HEATR4: variants seen among roughly 807,000 people sequenced by gnomAD.
The protein encoded by HEATR4 is HEAT repeat-containing protein 4.
Under a neutral mutation model 108.8 loss-of-function variants are expected in HEATR4, and 95 were observed. The ratio of observed to expected loss-of-function variants is 0.87; its 90% CI spans 0.74 to 1.04. HEATR4 has a LOEUF of 1.04. HEATR4 is among the 50% of genes least tolerant of loss of function. The pLI is 0.00. For missense variants in HEATR4, 1,152 were observed against 1,253.8 expected, an observed-to-expected ratio of 0.92 and a Z score of 1.23; for synonymous variants, 443 against 459.4, an observed-to-expected ratio of 0.96 and a Z score of 0.46.
chr14:73,519,209 T>C (rs981433406), intron 4 of HEATR4, 46 bp from the exon 5 acceptor site: 11 of 1,563,920 alleles, frequency 7.0e-6, no homozygotes, highest in Middle Eastern at 1.7e-4. Context: ...ACCTCCCTAT[T>C]TCCTTTCTCC....
chr14:73,563,206 C>T (rs147431542), upstream of HEATR4, among the ~76,000 whole-genome samples: 417 of 152,002 alleles, frequency 2.7e-3, 2 homozygotes, highest in African/African-American at 9.6e-3. Context: ...GTCAGCCGGC[C>T]GACTCTTATA....
chr14:73,585,149 C>T, the HEATR4 span, among the ~76,000 whole-genome samples: 1 of 152,132 alleles, frequency 6.6e-6, no homozygotes, highest in Non-Finnish European at 1.5e-5. Flanking sequence ...CACCCATGCA[C>T]ACACTATCCA....
At chr14:73,499,336 C>T (rs1886287802) in intron 12 of HEATR4, among the ~76,000 whole-genome samples, 196 bp from the exon 13 acceptor site, 1 of 152,090 alleles carries the variant, frequency 6.6e-6, no homozygotes, top group South Asian at 2.1e-4. Context: ...CAAAAATTAG[C>T]CGGGCATGGT....
In HEATR4 at chr14:73,538,636, T is replaced by C. The variant is rs1595154417; in HGVS notation, c.-151-8392A>G. Among the ~76,000 whole-genome samples the C allele has an allele frequency of 2.1e-5, 2 of 96,670 alleles. 1 individual carries two copies. Among genetic ancestry groups the C allele is most frequent in the Non-Finnish European group, 4.3e-5 (2 of 46,576 alleles). The allele number at this position is 96,670 out of a possible 152,430, so 63.4% of individuals were successfully genotyped here. A position where few individuals can be genotyped will look rare whatever the true frequency, so the allele number is the denominator to read the frequency against. Reference sequence around the variant, plus strand: ...CAAAAAAAAAAAAAAAAAAAGGCATTGTAAGGAAAGAGAAAAGACACATAA... The same window carrying C: ...CAAAAAAAAAAAAAAAAAAAGGCATCGTAAGGAAAGAGAAAAGACACATAA... On this transcript the variant is annotated intron_variant, in intron 1 of 17. Transcript: ENST00000553558.
At chr14:73,598,273 C>T in the HEATR4 span, among the ~76,000 whole-genome samples, 1 of 148,366 alleles carries the variant, frequency 6.7e-6, no homozygotes, top group Admixed American at 6.8e-5. Context: ...GCCTGTAGTC[C>T]CAGCTACTTG....
chr14:73,620,073 A>G, the HEATR4 span, among the ~76,000 whole-genome samples: 19 of 152,024 alleles, frequency 1.2e-4, no homozygotes, highest in African/African-American at 4.1e-4. Context: ...CACGGCACCC[A>G]GCTAATTTTT....
At chr14:73,482,812 C>A (rs1469567535) in intron 17 of HEATR4, among the ~76,000 whole-genome samples, 2 of 152,088 alleles carry the variant, frequency 1.3e-5, no homozygotes, top group Non-Finnish European at 2.9e-5. Context: ...GCACACACCA[C>A]CATGCCCAGT....
chr14:73,609,660 A>T, the HEATR4 span, among the ~76,000 whole-genome samples: 207 of 152,158 alleles, frequency 1.4e-3, 2 homozygotes, highest in African/African-American at 4.5e-3. Context: ...TTTATTTTTG[A>T]GACAGAATCT....
chr14:73,521,469 A>C (rs1412610004), intron 3 of HEATR4, among the ~76,000 whole-genome samples: 1 of 152,210 alleles, frequency 6.6e-6, no homozygotes, highest in Non-Finnish European at 1.5e-5. Context: ...CCTTAAAGGT[A>C]CATATCTGTG....
At chr14:73,518,229 C>A (rs1184849703) in intron 5 of HEATR4, among the ~76,000 whole-genome samples, 1 of 152,114 alleles carries the variant, frequency 6.6e-6, no homozygotes, top group East Asian at 1.9e-4. Context: ...GATGCAAAGG[C>A]ACAACTAGCA....
chr14:73,537,994 C>A, intron 1 of HEATR4: 1 of 883,338 alleles, frequency 1.1e-6, no homozygotes, highest in Non-Finnish European at 1.5e-6. Context: ...TGTGTGTGTC[C>A]CTCCTCCCGC....
intron 1 of HEATR4, chr14:73,542,907 A>G: frequency 2.3e-6 from 2 of 873,096 alleles, no homozygotes; most frequent in Non-Finnish European, 3.2e-6. Context: ...GAGGGGAGGT[A>G]AATTCCCAAA....
At position 73,556,689 on chromosome 14, in the gene HEATR4, T is replaced by G. The variant is rs1259384090; in HGVS notation, c.-152+2062A>C. Among the ~76,000 whole-genome samples, 6 of 114,892 alleles carry G rather than the reference T, an allele frequency of 5.2e-5. 2 individuals carry two copies. The highest frequency in any genetic ancestry group is 7.6e-5 in the Non-Finnish European group (4 of 52,332). 75.4% of individuals were successfully genotyped at this position (114,892 alleles called of 152,430 possible). A position where few individuals can be genotyped will look rare whatever the true frequency, so the allele number is the denominator to read the frequency against. On this transcript the variant is annotated intron_variant, in intron 1 of 17. Coordinates refer to ENST00000553558, the MANE Select transcript of HEATR4 (RefSeq NM_001220484.1). Reference sequence around the variant, plus strand: ...ATTTGAAATCTGTAGTTTCCCAATCTGAAAATTGAGTCTGATACCTGTTCT... The same window carrying G: ...ATTTGAAATCTGTAGTTTCCCAATCGGAAAATTGAGTCTGATACCTGTTCT...
rs150212644 is a variant in HEATR4, at chr14:73,514,042, G to T, written c.1403C>A (p.Ala468Asp). ...CTCCCTTCACTCACTCAGAGCCCAG[G>T]CAGTCTTCCATTCCTTCAGCATCCT... Reference protein sequence around the residue: ...LRRMLKEWKTAWALIIEWHHE... With the variant: ...LRRMLKEWKTDWALIIEWHHE... The change falls in exon 6 of 18, where the codon GCC (alanine) becomes GAC (aspartate). Residue 468 changes from alanine to aspartate, a missense_variant. By Grantham distance (126) the Ala-to-Asp change is moderately radical (BLOSUM62 -2). Transcript: ENST00000553558. 167 of 1,614,094 alleles carry T rather than the reference G, an allele frequency of 1.0e-4. 1 individual carries two copies. In the Middle Eastern group the frequency reaches 1.5e-3, roughly 14 times the overall value.
chr14:73,520,242 C>T lies in HEATR4; in HGVS notation c.1069+610G>A, dbSNP rs1439689700. 2.0e-5 allele frequency: 3 copies of T among 152,208 alleles called. No individual in the cohort carries two copies. The East Asian group carries it at 5.8e-4, about 29-fold the overall frequency. 9.4% of individuals were successfully genotyped at this position (152,208 alleles called of 1,614,324 possible). A position where few individuals can be genotyped will look rare whatever the true frequency, so the allele number is the denominator to read the frequency against. ...CCTGGAAGCCCAGGCATCTAAGGGA[C>T]AGCAGTAGGGACAGGGAAGGTGGCA... On this transcript the variant is annotated intron_variant, in intron 4 of 17. Coordinates refer to ENST00000553558, the MANE Select transcript of HEATR4 (RefSeq NM_001220484.1).
At chr14:73,563,695 G>C (rs1383320065), upstream of HEATR4, among the ~76,000 whole-genome samples, 1 of 152,012 alleles carries the variant, frequency 6.6e-6, no homozygotes, top group African/African-American at 2.4e-5. Context: ...TGTTCCAGCA[G>C]CTCATGCCTG....
intron 14 of HEATR4, among the ~76,000 whole-genome samples, chr14:73,496,910 G>A (rs924131566): frequency 2.6e-5 from 4 of 152,228 alleles, no homozygotes; most frequent in Non-Finnish European, 5.9e-5. Context: ...GTTTTTGCGA[G>A]ATGGAGTCTT....
chr14:73,584,022 G>A, the HEATR4 span, among the ~76,000 whole-genome samples: 1 of 151,712 alleles, frequency 6.6e-6, no homozygotes, highest in Admixed American at 6.6e-5. Context: ...CAGACAAAAT[G>A]GCTATGTATG....
At chr14:73,623,318 A>T in the HEATR4 span, among the ~76,000 whole-genome samples, 1 of 152,322 alleles carries the variant, frequency 6.6e-6, no homozygotes, top group South Asian at 2.1e-4. Flanking sequence ...AGATAGTCAT[A>T]CTAAGAAACA....
Sources: gnomAD v4.1 joint callset for allele counts (sites outside exome capture counted in the v4.1 genomes callset) on GRCh38, gnomAD v4.1.1 for gene constraint, MANE v1.5 for transcripts, NCBI Gene and HGNC (gene_info 2026-07-23, HGNC 2026-07-21) for gene names.